Variants in DNAJB7 observed in about 807,000 individuals in gnomAD.
DNAJB7 encodes the protein DnaJ heat shock protein family (Hsp40) member B7.
A neutral mutation model predicts 1.2 loss-of-function variants in DNAJB7; 1 was observed. The ratio of observed to expected loss-of-function variants is 0.84; its 90% CI spans 0.30 to 4.01. The LOEUF is 4.01. Ranked by LOEUF, DNAJB7 falls within the 30% of genes most tolerant of loss-of-function variation. The pLI is 0.18. For missense variants in DNAJB7, 420 were observed against 358.5 expected (o/e 1.17, Z -1.39); for synonymous variants, 128 against 127.7 (o/e 1.00, Z -0.01).
Position 40,861,108 on chromosome 22 carries a change from T to C in DNAJB7, c.887A>G (p.Lys296Arg). Residue 296 changes from lysine (K) to arginine (R), a missense_variant, in exon 1 of 1, where the codon AAG becomes AGG. By Grantham distance (26) the Lys-to-Arg change is conservative. Transcript: ENST00000307221. ...AGACTTCTTTTGCACCTCTTTACGC[T>C]TCTTTTTTTTCCTCTTACCACCCTC... ...VKEGGKRKKK[K>R]RKEVQKKSTK... 1.2e-6 allele frequency: 2 copies of C among 1,611,138 alleles called. No individual in the cohort carries two copies. The highest frequency in any genetic ancestry group is 1.7e-6 in the Non-Finnish European group (2 of 1,179,158).
chr22:40,861,783 T>G lies in DNAJB7; in HGVS notation c.212A>C (p.Glu71Ala), dbSNP rs376914931. The G allele has an allele frequency of 6.2e-7, 1 of 1,613,616 alleles. No homozygotes were observed. Among genetic ancestry groups the G allele is most frequent in the Non-Finnish European group, 8.5e-7 (1 of 1,179,862 alleles). ...KRDIYDKYGT[E>A]GLNGGGSHFD... is the part of the protein sequence containing the mutation. ...ATGACTTCCACCTCCGTTTAATCCT[T>G]CTGTGCCATATTTATCATAAATGTC... The change falls in exon 1 of 1, where the codon GAA (glutamate) becomes GCA (alanine). Residue 71 changes from glutamate (E) to alanine (A), a missense_variant. By Grantham distance (107) the Glu-to-Ala change is moderately radical. Coordinates refer to ENST00000307221, the MANE Select transcript of DNAJB7 (RefSeq NM_145174.2).
rs371177723 is a variant in DNAJB7, at chr22:40,860,737, A to T, written c.*328T>A. The T allele has an allele frequency of 2.4e-6, 2 of 824,326 alleles. No individual in the cohort carries two copies. Among genetic ancestry groups the T allele is most frequent in the Non-Finnish European group, 3.7e-6 (2 of 533,574 alleles). 51.1% of individuals were successfully genotyped at this position (824,326 alleles called of 1,614,324 possible). A position where few individuals can be genotyped will look rare whatever the true frequency, so the allele number is the denominator to read the frequency against. On this transcript the variant is annotated 3_prime_UTR_variant, in exon 1 of 1. Transcript: ENST00000307221. Reference sequence around the variant, plus strand: ...GCGTGATCCCATTACACTGCAACCTATGTCTTCCAGGCTCAAGCAGTCTTT... The same window carrying T: ...GCGTGATCCCATTACACTGCAACCTTTGTCTTCCAGGCTCAAGCAGTCTTT...
In DNAJB7 at chr22:40,860,363, C is replaced by T. The variant is rs5758110; in HGVS notation, c.*702G>A. On this transcript the variant is annotated 3_prime_UTR_variant, in exon 1 of 1. Coordinates refer to ENST00000307221, the MANE Select transcript of DNAJB7 (RefSeq NM_145174.2). ...AAGATGCTAGGATTACAGGTGTGAG[C>T]CACTGCACCCAGCTAAGTCTATTTC... 3,895 of 170,398 alleles carry T rather than the reference C, an allele frequency of 0.023. 196 individuals are homozygous for T. The highest frequency in any genetic ancestry group is 0.19 in the East Asian group (1,154 of 6,106). The allele number at this position is 170,398 out of a possible 1,614,324, so 10.6% of individuals were successfully genotyped here.
Position 40,861,640 on chromosome 22 carries a change from G to C in DNAJB7, c.355C>G (p.Leu119Val), listed in dbSNP as rs763478900. The C allele has an allele frequency of 1.2e-6, 2 of 1,613,782 alleles. No homozygotes were observed. Among genetic ancestry groups the C allele is most frequent in the East Asian group, 4.5e-5 (2 of 44,860 alleles). ...FHFFEDSLEDLLNRPGSSYGN... is the reference protein window; with the variant it reads ...FHFFEDSLEDVLNRPGSSYGN... ...TAGGAGCTTCCTGGACGATTTAACA[G>C]GTCCTCAAGCGAGTCTTCAAAGAAG... Residue 119 changes from leucine to valine, a missense_variant, in exon 1 of 1, where the codon CTG becomes GTG. By Grantham distance (32) the Leu-to-Val change is conservative. Coordinates refer to ENST00000307221, the MANE Select transcript of DNAJB7 (RefSeq NM_145174.2).
rs772146358 is a variant in DNAJB7, at chr22:40,861,015, A to G, written c.*50T>C. 1.1e-5 allele frequency: 17 copies of G among 1,517,200 alleles called. No individual in the cohort carries two copies. Among genetic ancestry groups the G allele is most frequent in the Middle Eastern group, 1.8e-4 (1 of 5,644 alleles). The allele number at this position is 1,517,200 out of a possible 1,614,324, so 94.0% of individuals were successfully genotyped here. On this transcript the variant is annotated 3_prime_UTR_variant, in exon 1 of 1. Coordinates refer to ENST00000307221, the MANE Select transcript of DNAJB7 (RefSeq NM_145174.2). ...GTGTTATCTACAAAATTTGTGATTA[A>G]CCAAAACACACACAATTGTGTTCAA...
Position 40,860,522 on chromosome 22 carries a change from C to A in DNAJB7, c.*543G>T. ...TAGTCTGAACCTGTGTGTCTTGATA[C>A]ATTCTTGTCTTCTAATGCTATGCAT... On this transcript the variant is annotated 3_prime_UTR_variant, in exon 1 of 1. Transcript: ENST00000307221. 1 of 660,936 alleles carries A rather than the reference C, an allele frequency of 1.5e-6. No homozygotes were observed. Among genetic ancestry groups the A allele is most frequent in the Non-Finnish European group, 2.2e-6 (1 of 448,406 alleles). The allele number at this position is 660,936 out of a possible 1,614,324, so 40.9% of individuals were successfully genotyped here. A position where few individuals can be genotyped will look rare whatever the true frequency, so the allele number is the denominator to read the frequency against.
Position 40,860,579 on chromosome 22 carries a change from G to GA in DNAJB7, c.*485dup. 1 of 1,155,390 alleles carries GA rather than the reference G, an allele frequency of 8.7e-7. No individual in the cohort carries two copies. Among genetic ancestry groups the GA allele is most frequent in the South Asian group, 2.1e-5 (1 of 46,520 alleles). 71.6% of individuals were successfully genotyped at this position (1,155,390 alleles called of 1,614,324 possible). ...TAAGTTTGTATAGTGGTTTTAATTA[G>GA]AAAAAAGAAAAATAGGCTATAAACT... On this transcript the variant is annotated 3_prime_UTR_variant, in exon 1 of 1. Transcript: ENST00000307221.
chr22:40,861,149 G>T lies in DNAJB7; in HGVS notation c.846C>A (p.Phe282Leu). 2 of 1,613,984 alleles carry T rather than the reference G, an allele frequency of 1.2e-6. No homozygotes were observed. Among genetic ancestry groups the T allele is most frequent in the Non-Finnish European group, 1.7e-6 (2 of 1,179,996 alleles). ...TACCACCCTCTTTGACTCCTGCTGA[G>T]AAAATAGGGGGATCTCTGTTGCTGG... Reference protein sequence around the residue: ...WVTSNRDPPIFSAGVKEGGKR... With the variant: ...WVTSNRDPPILSAGVKEGGKR... The change falls in exon 1 of 1, where the codon TTC becomes TTA. Residue 282 changes from phenylalanine (F) to leucine (L), a missense_variant. Phe to Leu is a conservative substitution (Grantham distance 22, BLOSUM62 0). Coordinates refer to ENST00000307221, the MANE Select transcript of DNAJB7 (RefSeq NM_145174.2).
chr22:40,861,705 A>C lies in DNAJB7; in HGVS notation c.290T>G (p.Phe97Cys), dbSNP rs374702950. The change falls in exon 1 of 1, where the codon TTT becomes TGT. Residue 97 changes from phenylalanine (F) to cysteine (C), a missense_variant. By Grantham distance (205) the Phe-to-Cys change is radical. Coordinates refer to ENST00000307221, the MANE Select transcript of DNAJB7 (RefSeq NM_145174.2). The stretch of plus-strand genomic sequence containing the variant: ...ATCCCTTTCATGAAAAATTTCTTTA[A>C]AAACATCATCTGGCTTATGGAATGT... The part of the protein sequence containing the change: ...GFTFHKPDDV[F>C]KEIFHERDPF... 1.1e-5 allele frequency: 17 copies of C among 1,614,124 alleles called. No individual in the cohort carries two copies. Among genetic ancestry groups the C allele is most frequent in the Non-Finnish European group, 1.4e-5 (16 of 1,180,014 alleles).
In DNAJB7 at chr22:40,861,025, AC is replaced by A; in HGVS notation, c.*39del. On this transcript the variant is annotated 3_prime_UTR_variant, in exon 1 of 1. Transcript: ENST00000307221. ...CAAAATTTGTGATTAACCAAAACAC[AC>A]ACAATTGTGTTCAAATGTTATATAT... 6.5e-7 allele frequency: 1 copy of A among 1,528,530 alleles called. No homozygotes were observed. The highest frequency in any genetic ancestry group is 8.8e-7 in the Non-Finnish European group (1 of 1,139,202). 94.7% of individuals were successfully genotyped at this position (1,528,530 alleles called of 1,614,324 possible).
chr22:40,861,117 T>C lies in DNAJB7; in HGVS notation c.878A>G (p.Lys293Arg). The change falls in exon 1 of 1, where the codon AAA (lysine) becomes AGA (arginine). Residue 293 changes from lysine to arginine, a missense_variant. Transcript: ENST00000307221. Reference sequence around the variant, plus strand: ...TTGCACCTCTTTACGCTTCTTTTTTTTCCTCTTACCACCCTCTTTGACTCC... The same window carrying C: ...TTGCACCTCTTTACGCTTCTTTTTTCTCCTCTTACCACCCTCTTTGACTCC... ...SAGVKEGGKR[K>R]KKKRKEVQKK... is the part of the protein sequence containing the mutation. 1 of 1,611,376 alleles carries C rather than the reference T, an allele frequency of 6.2e-7. No homozygotes were observed. The highest frequency in any genetic ancestry group is 2.2e-5 in the East Asian group (1 of 44,868).
rs1349509766 is a variant in DNAJB7, at chr22:40,860,741, C to T, written c.*324G>A. On this transcript the variant is annotated 3_prime_UTR_variant, in exon 1 of 1. Coordinates refer to ENST00000307221, the MANE Select transcript of DNAJB7 (RefSeq NM_145174.2). The stretch of plus-strand genomic sequence containing the variant: ...GATCCCATTACACTGCAACCTATGT[C>T]TTCCAGGCTCAAGCAGTCTTTCTAC... 2 of 802,948 alleles carry T rather than the reference C, an allele frequency of 2.5e-6. No homozygotes were observed. Among genetic ancestry groups the T allele is most frequent in the Admixed American group, 2.8e-5 (1 of 35,454 alleles). The allele number at this position is 802,948 out of a possible 1,614,324, so 49.7% of individuals were successfully genotyped here. A position where few individuals can be genotyped will look rare whatever the true frequency, so the allele number is the denominator to read the frequency against.
rs775539243 is a variant in DNAJB7 at position 40,860,553 on chromosome 22, G to C, written c.*512C>G. The C allele has an allele frequency of 3.2e-6, 3 of 925,078 alleles. No homozygotes were observed. The African/African-American group carries it at 5.1e-5, about 16-fold the overall frequency. The allele number at this position is 925,078 out of a possible 1,614,324, so 57.3% of individuals were successfully genotyped here. ...TGTCTTCTAATGCTATGCATGTTTC[G>C]TAAGTTTGTATAGTGGTTTTAATTA... On this transcript the variant is annotated 3_prime_UTR_variant, in exon 1 of 1. Transcript: ENST00000307221.
the DNAJB7 span, chr22:40,861,874 CTTCT>C: frequency 1.1e-5 from 18 of 1,613,886 alleles, no homozygotes; most frequent in East Asian, 2.9e-4. Context: ...CTCTCTGCTT[CTTCT>C]TTATTTTCTG....
At position 40,861,872 on chromosome 22, in the gene DNAJB7, T is replaced by C. The variant is rs2057950978; in HGVS notation, c.123A>G (p.Glu41=). 1.9e-6 allele frequency: 3 copies of C among 1,613,754 alleles called. No homozygotes were observed. The highest frequency in any genetic ancestry group is 2.5e-6 in the Non-Finnish European group (3 of 1,179,822). The part of the protein sequence containing the change: ...HPDKNPENKE[E]AERKFKEVAE... ...CTACTTCTTTGAATTTTCTCTCTGC[T>C]TCTTCTTTATTTTCTGGATTTTTAT... The change falls in exon 1 of 1, where the codon GAA becomes GAG. Residue 41 remains glutamate (E), a synonymous_variant. Transcript: ENST00000307221.
rs373519766 is a variant in DNAJB7, at chr22:40,862,040, G to T, written c.-46C>A. On this transcript the variant is annotated 5_prime_UTR_variant, in exon 1 of 1. Coordinates refer to ENST00000307221, the MANE Select transcript of DNAJB7 (RefSeq NM_145174.2). ...GTGGGTGTGCTGGGTATTGAGAACCGTGGTTTCCTCAGCTCAGGCTCTGCT... is the reference window on the plus strand; with the variant it reads ...GTGGGTGTGCTGGGTATTGAGAACCTTGGTTTCCTCAGCTCAGGCTCTGCT... 1.3e-6 allele frequency: 2 copies of T among 1,538,488 alleles called. No individual in the cohort carries two copies. The highest frequency in any genetic ancestry group is 4.3e-5 in the Admixed American group (2 of 46,684).
At position 40,861,153 on chromosome 22, in the gene DNAJB7, A is replaced by G. The variant is rs1298550957; in HGVS notation, c.842T>C (p.Ile281Thr). The G allele has an allele frequency of 6.2e-7, 1 of 1,614,070 alleles. No homozygotes were observed. Among genetic ancestry groups the G allele is most frequent in the Non-Finnish European group, 8.5e-7 (1 of 1,180,006 alleles). The part of the protein sequence containing the change: ...SWVTSNRDPP[I>T]FSAGVKEGGK... ...ACCCTCTTTGACTCCTGCTGAGAAA[A>G]TAGGGGGATCTCTGTTGCTGGTAAC... Residue 281 changes from isoleucine (I) to threonine (T), a missense_variant, in exon 1 of 1, where the codon ATT (isoleucine) becomes ACT (threonine). By Grantham distance (89) the Ile-to-Thr change is moderately conservative (BLOSUM62 -1). Transcript: ENST00000307221.
chr22:40,861,767 A>C lies in DNAJB7; in HGVS notation c.228T>G (p.Gly76=). 2.5e-6 allele frequency: 4 copies of C among 1,612,870 alleles called. No individual in the cohort carries two copies. Among genetic ancestry groups the C allele is most frequent in the East Asian group, 2.2e-5 (1 of 44,826 alleles). ...CACATTCATCATCAAAATGACTTCC[A>C]CCTCCGTTTAATCCTTCTGTGCCAT... ...DKYGTEGLNG[G]GSHFDDECEY... is the part of the protein sequence containing the mutation. Residue 76 remains glycine (G), a synonymous_variant, in exon 1 of 1, where the codon GGT becomes GGG. Transcript: ENST00000307221.
In DNAJB7 at chr22:40,860,533, T is replaced by C. The variant is rs2145764427; in HGVS notation, c.*532A>G. The C allele has an allele frequency of 1.3e-6, 1 of 751,214 alleles. No individual in the cohort carries two copies. Among genetic ancestry groups the C allele is most frequent in the Non-Finnish European group, 1.9e-6 (1 of 522,384 alleles). The allele number at this position is 751,214 out of a possible 1,614,324, so 46.5% of individuals were successfully genotyped here. On this transcript the variant is annotated 3_prime_UTR_variant, in exon 1 of 1. Transcript: ENST00000307221. ...TGTGTGTCTTGATACATTCTTGTCTTCTAATGCTATGCATGTTTCGTAAGT... is the reference window on the plus strand; with the variant it reads ...TGTGTGTCTTGATACATTCTTGTCTCCTAATGCTATGCATGTTTCGTAAGT...
Sources: gnomAD v4.1 joint callset for allele counts on GRCh38, gnomAD v4.1.1 for gene constraint, MANE v1.5 for transcripts, NCBI Gene and HGNC (gene_info 2026-07-23, HGNC 2026-07-21) for gene names.